Variants in ST6GALNAC3 observed in about 807,000 individuals in gnomAD.
ST6GALNAC3 encodes the protein ST6 N-acetylgalactosaminide alpha-2,6-sialyltransferase 3.
Under a neutral mutation model 32.7 loss-of-function variants are expected in ST6GALNAC3, and 25 were observed. That is an observed-to-expected ratio of 0.76 (90% confidence interval 0.56 to 1.07). The LOEUF (loss-of-function observed/expected upper bound fraction) is 1.07, where lower values mean the gene tolerates loss of function less well. ST6GALNAC3 is among the 50% of genes least tolerant of loss of function. ST6GALNAC3 has a pLI of 0.00. For synonymous variants in ST6GALNAC3, 129 were observed against 133.1 expected (o/e 0.97, Z 0.21); for missense variants, 355 against 382.4 (o/e 0.93, Z 0.60).
At chr1:76,458,818 G>A (rs974205200) in intron 3 of ST6GALNAC3, among the ~76,000 whole-genome samples, 12 of 151,354 alleles carry the variant, frequency 7.9e-5, no homozygotes, top group Non-Finnish European at 1.3e-4. Context: ...GCACCAACAC[G>A]GCACATGTGT....
intron 1 of ST6GALNAC3, among the ~76,000 whole-genome samples, chr1:76,221,556 A>C (rs1655772181): frequency 6.6e-6 from 1 of 152,122 alleles, no homozygotes. Flanking sequence ...CTCCCTGAGA[A>C]TGTATCATTC....
At chr1:76,460,008 T>G (rs1658171059) in intron 3 of ST6GALNAC3, among the ~76,000 whole-genome samples, 1 of 152,108 alleles carries the variant, frequency 6.6e-6, no homozygotes, top group African/African-American at 2.4e-5. Context: ...TACTTAGGAG[T>G]AGAATTGATG....
At chr1:76,493,707 G>T (rs1660636521) in intron 3 of ST6GALNAC3, among the ~76,000 whole-genome samples, 1 of 151,976 alleles carries the variant, frequency 6.6e-6, no homozygotes, top group African/African-American at 2.4e-5. Context: ...ATTCAGTTTG[G>T]TCTGATTTCA....
At chr1:76,131,136 A>G (rs778476476) in intron 1 of ST6GALNAC3, among the ~76,000 whole-genome samples, 2 of 152,208 alleles carry the variant, frequency 1.3e-5, no homozygotes, top group Non-Finnish European at 2.9e-5. Flanking sequence ...TGTAACTTCT[A>G]TTTAACCTTC....
At position 76,286,691 on chromosome 1, in the gene ST6GALNAC3, C is replaced by T. The variant is rs897201188; in HGVS notation, c.19-27114C>T. ...TCACTTGTTTATATGAAGCCACCGG[C>T]CTCATGGCCATGCCTCAGCCAAACC... On this transcript the variant is annotated intron_variant, in intron 1 of 4. Transcript: ENST00000328299. Among the ~76,000 whole-genome samples, 3 of 152,330 alleles carry T rather than the reference C, an allele frequency of 2.0e-5. No homozygotes were observed. The South Asian group carries it at 6.2e-4, about 32-fold the overall frequency.
chr1:76,486,171 G>A (rs1394328419), intron 3 of ST6GALNAC3, among the ~76,000 whole-genome samples: 13 of 152,302 alleles, frequency 8.5e-5, no homozygotes, highest in South Asian at 4.1e-4. Flanking sequence ...GAATAAGTGC[G>A]ATGTGGTGAT....
intron 1 of ST6GALNAC3, among the ~76,000 whole-genome samples, chr1:76,151,775 G>A (rs1389289267): frequency 6.6e-6 from 1 of 152,198 alleles, no homozygotes; most frequent in African/African-American, 2.4e-5. Context: ...AACGGGTGGG[G>A]CATCGATTGC....
intron 1 of ST6GALNAC3, among the ~76,000 whole-genome samples, chr1:76,144,572 A>G (rs4245647): frequency 0.52 from 79,560 of 152,068 alleles, 23,480 homozygotes; most frequent in East Asian, 0.88. Flanking sequence ...AGAAAACAAC[A>G]CGGAAGGATT....
At chr1:76,114,112 G>A (rs61558985) in intron 1 of ST6GALNAC3, among the ~76,000 whole-genome samples, 24,802 of 151,440 alleles carry the variant, frequency 0.16, 2,230 homozygotes, top group Non-Finnish European at 0.19. Flanking sequence ...CAACGTGCTG[G>A]GATTACAGAC....
At chr1:76,472,800 C>A (rs1246238512) in intron 3 of ST6GALNAC3, among the ~76,000 whole-genome samples, 2 of 149,120 alleles carry the variant, frequency 1.3e-5, no homozygotes, top group Admixed American at 6.7e-5. Context: ...ACTTTTGAAG[C>A]TTAATTATGA....
chr1:76,209,768 C>T (rs1371114705), intron 1 of ST6GALNAC3, among the ~76,000 whole-genome samples: 1 of 152,182 alleles, frequency 6.6e-6, no homozygotes, highest in Non-Finnish European at 1.5e-5. Flanking sequence ...TTATTCTTTA[C>T]TCAGTAGGGG....
intron 3 of ST6GALNAC3, among the ~76,000 whole-genome samples, chr1:76,431,236 G>T (rs1236844254): frequency 2.0e-5 from 3 of 152,130 alleles, no homozygotes; most frequent in African/African-American, 7.2e-5. Context: ...TGAACACTGG[G>T]TATGCTTGCC....
At position 76,429,973 on chromosome 1, in the gene ST6GALNAC3, G is replaced by A. The variant is rs1413153461; in HGVS notation, c.623+17556G>A. Among the ~76,000 whole-genome samples, 6 of 152,080 alleles carry A rather than the reference G, an allele frequency of 3.9e-5. No individual in the cohort carries two copies. The East Asian group carries it at 9.6e-4, about 24-fold the overall frequency. On this transcript the variant is annotated intron_variant, in intron 3 of 4. Coordinates refer to ENST00000328299, the MANE Select transcript of ST6GALNAC3 (RefSeq NM_152996.4). ...TCCATAAGTCAACCATCACTGCTACGTCTTGTCTCCATCTCTGCTATCACT... is the reference window on the plus strand; with the variant it reads ...TCCATAAGTCAACCATCACTGCTACATCTTGTCTCCATCTCTGCTATCACT...
chr1:76,148,256 A>T (rs886805290), intron 1 of ST6GALNAC3, among the ~76,000 whole-genome samples: 2 of 152,198 alleles, frequency 1.3e-5, no homozygotes, highest in Non-Finnish European at 2.9e-5. Context: ...TTATTTCCCC[A>T]AAGTTTCTTT....
At chr1:76,404,142 A>G (rs1237253447) in intron 2 of ST6GALNAC3, among the ~76,000 whole-genome samples, 1 of 152,100 alleles carries the variant, frequency 6.6e-6, no homozygotes, top group African/African-American at 2.4e-5. Context: ...CTTAGATTTA[A>G]TGTCACCAGG....
At chr1:76,375,771 A>G (rs1014232589) in intron 2 of ST6GALNAC3, among the ~76,000 whole-genome samples, 3 of 152,220 alleles carry the variant, frequency 2.0e-5, no homozygotes, top group Non-Finnish European at 4.4e-5. Flanking sequence ...GAAAGGATTG[A>G]TTAAATAAAT....
chr1:76,406,578 T>C (rs1024890062), intron 2 of ST6GALNAC3, among the ~76,000 whole-genome samples: 2 of 152,010 alleles, frequency 1.3e-5, no homozygotes, highest in Non-Finnish European at 2.9e-5. Context: ...GCTAGCACTA[T>C]TGCCAAAAAG....
chr1:76,266,767 T>C (rs1452006987), intron 1 of ST6GALNAC3, among the ~76,000 whole-genome samples: 4 of 152,150 alleles, frequency 2.6e-5, no homozygotes, highest in Non-Finnish European at 4.4e-5. Flanking sequence ...TTGGTCCCTC[T>C]TGGGGCAGAG....
In ST6GALNAC3 at chr1:76,274,844, A is replaced by G. The variant is rs545592650; in HGVS notation, c.19-38961A>G. On this transcript the variant is annotated intron_variant, in intron 1 of 4. Transcript: ENST00000328299. ...CTTTCACCAACAGTTTGTTACTGTG[A>G]CAGCAGAAGCACTCAAATTCAGGGA... 4.1e-4 allele frequency among the ~76,000 whole-genome samples: 62 copies of G among 152,342 alleles called. 2 individuals carry two copies. In the South Asian group the frequency reaches 0.011, roughly 26 times the overall value.
Sources: gnomAD v4.1 joint callset for allele counts (sites outside exome capture counted in the v4.1 genomes callset) on GRCh38, gnomAD v4.1.1 for gene constraint, MANE v1.5 for transcripts, NCBI Gene and HGNC (gene_info 2026-07-23, HGNC 2026-07-21) for gene names.